PTPRO: variants seen among roughly 807,000 people sequenced by gnomAD.
PTPRO encodes protein tyrosine phosphatase receptor type O, also known as receptor-type tyrosine-protein phosphatase O.
PTPRO carries 62 observed loss-of-function variants against 145.2 expected under a neutral mutation model. The ratio of observed to expected loss-of-function variants is 0.43; its 90% CI spans 0.35 to 0.53. PTPRO has a LOEUF of 0.53. Among genes scored for constraint, PTPRO ranks in the 20% least tolerant of loss-of-function variants. The pLI is 0.01. For synonymous variants in PTPRO, 565 were observed against 514.7 expected, an observed-to-expected ratio of 1.10 and a Z score of -1.32; for missense variants, 1,345 against 1,482.7, an observed-to-expected ratio of 0.91 and a Z score of 1.53.
At chr12:15,406,631 G>A (rs750232604) in intron 1 of PTPRO, among the ~76,000 whole-genome samples, 13 of 151,972 alleles carry the variant, frequency 8.6e-5, no homozygotes, top group African/African-American at 2.9e-4. Flanking sequence ...CATAATATGC[G>A]ATTAAATACA....
chr12:15,421,511 A>G (rs1232713840), intron 1 of PTPRO, among the ~76,000 whole-genome samples: 3 of 152,228 alleles, frequency 2.0e-5, no homozygotes, highest in Non-Finnish European at 2.9e-5. Flanking sequence ...ATAAGCAGTA[A>G]GTACCAAATG....
intron 7 of PTPRO, among the ~76,000 whole-genome samples, chr12:15,510,691 A>C (rs1565673732): frequency 6.6e-6 from 1 of 152,358 alleles, no homozygotes; most frequent in Admixed American, 6.5e-5. Context: ...CATGCTAGGC[A>C]TCATCTCAGT....
chr12:15,416,825 C>T (rs115120409), intron 1 of PTPRO, among the ~76,000 whole-genome samples: 1 of 151,402 alleles, frequency 6.6e-6, no homozygotes, highest in African/African-American at 2.4e-5. Flanking sequence ...GGATCCCAGG[C>T]CTTCCCTTCA....
At chr12:15,364,842 T>G (rs897605535) in intron 1 of PTPRO, among the ~76,000 whole-genome samples, 2 of 152,198 alleles carry the variant, frequency 1.3e-5, no homozygotes, top group African/African-American at 4.8e-5. Context: ...TCCCATTAAT[T>G]GAACAACACA....
intron 1 of PTPRO, among the ~76,000 whole-genome samples, chr12:15,395,868 A>G (rs891033371): frequency 6.6e-6 from 1 of 152,032 alleles, no homozygotes; most frequent in African/African-American, 2.4e-5. Flanking sequence ...GTATTGCAAA[A>G]TGGGATATTC....
At chr12:15,513,805 A>T (rs1242004868) in intron 7 of PTPRO, among the ~76,000 whole-genome samples, 1 of 152,222 alleles carries the variant, frequency 6.6e-6, no homozygotes. Context: ...TCTGGTTTAA[A>T]CATTCTCAAA....
At chr12:15,354,395 G>A (rs953677972) in intron 1 of PTPRO, among the ~76,000 whole-genome samples, 4 of 152,110 alleles carry the variant, frequency 2.6e-5, no homozygotes, top group Non-Finnish European at 5.9e-5. Flanking sequence ...TTTTCAAATG[G>A]ATGCCTTATC....
intron 1 of PTPRO, among the ~76,000 whole-genome samples, chr12:15,430,901 A>C (rs1343618270): frequency 6.6e-6 from 1 of 152,210 alleles, no homozygotes; most frequent in Non-Finnish European, 1.5e-5. Flanking sequence ...AGCACTCTGA[A>C]GCTGAATTCA....
intron 14 of PTPRO, among the ~76,000 whole-genome samples, chr12:15,551,307 G>A (rs1156589378): frequency 6.6e-6 from 1 of 152,182 alleles, no homozygotes; most frequent in Non-Finnish European, 1.5e-5. Flanking sequence ...AGAATATCCT[G>A]AATGTTGTAG....
intron 1 of PTPRO, among the ~76,000 whole-genome samples, chr12:15,393,795 G>T (rs1325367765): frequency 6.6e-6 from 1 of 152,016 alleles, no homozygotes; most frequent in Non-Finnish European, 1.5e-5. Flanking sequence ...GAATACCTGG[G>T]ACTGGGTTAT....
rs1282300094 is a variant in PTPRO, at chr12:15,544,065, G to A, written c.2165-2504G>A. Among the ~76,000 whole-genome samples the A allele has an allele frequency of 3.3e-5, 5 of 152,156 alleles. No individual in the cohort carries two copies. In the East Asian group the frequency reaches 5.8e-4, roughly 18 times the overall value. On this transcript the variant is annotated intron_variant, in intron 12 of 26. Coordinates refer to ENST00000281171, the MANE Select transcript of PTPRO (RefSeq NM_030667.3). Reference sequence around the variant, plus strand: ...GATAGGATTTAACATGAGTGAAATGGCATTTTAAGGTGATTTTAATCCGTT... The same window carrying A: ...GATAGGATTTAACATGAGTGAAATGACATTTTAAGGTGATTTTAATCCGTT...
At chr12:15,495,140 C>A (rs997868747) in intron 2 of PTPRO, among the ~76,000 whole-genome samples, 1 of 151,654 alleles carries the variant, frequency 6.6e-6, no homozygotes, top group Non-Finnish European at 1.5e-5. Context: ...AGGGATGAGA[C>A]AAAGATAAAA....
intron 1 of PTPRO, among the ~76,000 whole-genome samples, chr12:15,419,889 T>G (rs999146466): frequency 1.3e-5 from 2 of 149,812 alleles, no homozygotes; most frequent in African/African-American, 2.5e-5. Flanking sequence ...GGCTCACGCC[T>G]GTAATCCCAG....
At chr12:15,325,760 T>C (rs1048606418) in intron 1 of PTPRO, among the ~76,000 whole-genome samples, 4 of 152,192 alleles carry the variant, frequency 2.6e-5, no homozygotes, top group Non-Finnish European at 5.9e-5. Flanking sequence ...GTTTACTCAG[T>C]ATAAGTACTT....
intron 1 of PTPRO, among the ~76,000 whole-genome samples, chr12:15,378,695 C>T (rs1005948178): frequency 1.3e-5 from 2 of 152,046 alleles, no homozygotes; most frequent in African/African-American, 2.4e-5. Context: ...CTTTCTAAAT[C>T]ATTCCATGAA....
Position 15,497,261 on chromosome 12 carries a change from C to T in PTPRO, c.366C>T (p.Thr122=), listed in dbSNP as rs762901864. The T allele has an allele frequency of 6.4e-7, 1 of 1,574,338 alleles. No homozygotes were observed. The highest frequency in any genetic ancestry group is 2.2e-5 in the East Asian group (1 of 44,570). ...ITVLTKPLPV[T]SVSIYDYKPS... ...CTTCTGTAGAACCTCTACCTGTAAC[C>T]AGTGTTTCCATATATGACTATAAAC... The change falls in exon 3 of 27, where the codon ACC becomes ACT. Residue 122 remains threonine, a synonymous_variant. Transcript: ENST00000281171.
At position 15,592,865 on chromosome 12, in the gene PTPRO, A is replaced by C. The variant is rs149601034; in HGVS notation, c.3547-2072A>C. 1.3e-4 allele frequency among the ~76,000 whole-genome samples: 20 copies of C among 152,286 alleles called. No homozygotes were observed. In the East Asian group the frequency reaches 3.9e-3, roughly 29 times the overall value. On this transcript the variant is annotated intron_variant, in intron 25 of 26. Transcript: ENST00000281171. ...GAATATTTTGTTTGGTTTTCCTCTAATATCCTTCCCTGGAGGTCAGTTGGG... is the reference window on the plus strand; with the variant it reads ...GAATATTTTGTTTGGTTTTCCTCTACTATCCTTCCCTGGAGGTCAGTTGGG...
chr12:15,565,882 G>A (rs1180032460), intron 18 of PTPRO, among the ~76,000 whole-genome samples: 1 of 152,146 alleles, frequency 6.6e-6, no homozygotes, highest in African/African-American at 2.4e-5. Context: ...TGGATCGTTA[G>A]CAATTTTTAA....
chr12:15,441,636 C>G (rs1940767450), intron 1 of PTPRO, among the ~76,000 whole-genome samples: 1 of 151,844 alleles, frequency 6.6e-6, no homozygotes, highest in Admixed American at 6.6e-5. Flanking sequence ...GAGAGAAGAT[C>G]CAAATAAGCA....
Sources: gnomAD v4.1 joint callset for allele counts (sites outside exome capture counted in the v4.1 genomes callset) on GRCh38, gnomAD v4.1.1 for gene constraint, MANE v1.5 for transcripts, NCBI Gene and HGNC (gene_info 2026-07-23, HGNC 2026-07-21) for gene names.